AP1S3: variants seen among roughly 807,000 people sequenced by gnomAD.
The protein encoded by AP1S3 is adaptor related protein complex 1 subunit sigma 3, also known as AP-1 complex subunit sigma-3.
Under a neutral mutation model 20.9 loss-of-function variants are expected in AP1S3, and 10 were observed. The observed-to-expected ratio is 0.48, with a 90% CI of 0.29 to 0.81. AP1S3 has a LOEUF of 0.81. Ranked by LOEUF, AP1S3 falls within the 30% of genes least tolerant of loss-of-function variation. AP1S3 has a pLI of 0.08. For missense variants in AP1S3, 154 were observed against 183.8 expected (o/e 0.84, Z 0.94); for synonymous variants, 41 against 61.5 (o/e 0.67, Z 1.56).
In AP1S3 at chr2:223,756,492, A is replaced by G. The variant is rs998024593; in HGVS notation, c.*2223T>C. The G allele has an allele frequency of 4.0e-5, 39 of 973,850 alleles. No individual in the cohort carries two copies. Among genetic ancestry groups the G allele is most frequent in the Non-Finnish European group, 4.4e-5 (36 of 819,582 alleles). 60.3% of individuals were successfully genotyped at this position (973,850 alleles called of 1,614,324 possible). ...AAAGAAAGAAAGAAAGAAAAAAAGAAAGAAAAAATTCTAACACATTAAAAA... is the reference window on the plus strand; with the variant it reads ...AAAGAAAGAAAGAAAGAAAAAAAGAGAGAAAAAATTCTAACACATTAAAAA... On this transcript the variant is annotated 3_prime_UTR_variant, in exon 5 of 5. Coordinates refer to ENST00000396654, the MANE Select transcript of AP1S3 (RefSeq NM_001039569.2).
intron 1 of AP1S3, among the ~76,000 whole-genome samples, chr2:223,797,505 T>TA (rs1266933411): frequency 6.6e-6 from 1 of 152,166 alleles, no homozygotes; most frequent in Non-Finnish European, 1.5e-5. Context: ...CTCACGCCTG[T>TA]AATCCCAGCA....
At chr2:223,763,687 T>G (rs989175612) in intron 4 of AP1S3, among the ~76,000 whole-genome samples, 2 of 152,194 alleles carry the variant, frequency 1.3e-5, no homozygotes, top group African/African-American at 4.8e-5. Context: ...TGGTAATGAA[T>G]GCATTGGCCT....
chr2:223,765,097 G>A (rs913478435), intron 4 of AP1S3, 116 bp downstream of exon 4: 9 of 1,410,916 alleles, frequency 6.4e-6, no homozygotes, highest in South Asian at 1.5e-5. Context: ...AAATAGTTTA[G>A]AAACTGTACC....
At chr2:223,805,839 ATAAT>A (rs1691566743) in intron 1 of AP1S3, among the ~76,000 whole-genome samples, 1 of 152,176 alleles carries the variant, frequency 6.6e-6, no homozygotes, top group South Asian at 2.1e-4. Flanking sequence ...ACTTTTACAA[ATAAT>A]TATTATTCTG....
At chr2:223,806,896 G>GT (rs889545976) in intron 1 of AP1S3, among the ~76,000 whole-genome samples, 13 of 151,622 alleles carry the variant, frequency 8.6e-5, no homozygotes, top group East Asian at 1.9e-4. Flanking sequence ...CTACATTTCT[G>GT]TTTTTTTTCT....
chr2:223,808,512 T>C (rs1171477567), intron 1 of AP1S3, among the ~76,000 whole-genome samples: 1 of 152,208 alleles, frequency 6.6e-6, no homozygotes, highest in African/African-American at 2.4e-5. Context: ...TGTTAGAAAG[T>C]TGCAGAATGT....
intron 1 of AP1S3, among the ~76,000 whole-genome samples, chr2:223,811,686 A>C (rs1187227182): frequency 6.6e-6 from 1 of 152,172 alleles, no homozygotes; most frequent in Non-Finnish European, 1.5e-5. Flanking sequence ...TGCTGGGGGC[A>C]TTCTGATTCA....
intron 1 of AP1S3, among the ~76,000 whole-genome samples, chr2:223,806,277 A>ATTTTTTTT (rs144953846): frequency 4.5e-5 from 5 of 111,046 alleles, no homozygotes; most frequent in Admixed American, 1.1e-4. Flanking sequence ...AAACAAAGGA[A>ATTTTTTTT]TTTTTTTTTT....
intron 1 of AP1S3, among the ~76,000 whole-genome samples, chr2:223,812,132 T>C (rs2106119240): frequency 6.6e-6 from 1 of 152,352 alleles, no homozygotes; most frequent in East Asian, 1.9e-4. Context: ...AAGCCAAATA[T>C]TATAGAATAA....
intron 1 of AP1S3, among the ~76,000 whole-genome samples, chr2:223,803,699 G>A (rs1241259353): frequency 1.3e-5 from 2 of 152,078 alleles, no homozygotes; most frequent in African/African-American, 4.8e-5. Context: ...CTAACACCAT[G>A]AAACCCAGTC....
intron 4 of AP1S3, 58 bp downstream of exon 4, chr2:223,765,155 A>G (rs773434086): frequency 6.4e-7 from 1 of 1,563,926 alleles, no homozygotes; most frequent in South Asian, 1.2e-5. Flanking sequence ...TATAATTATT[A>G]ACACCATCAT....
intron 3 of AP1S3, among the ~76,000 whole-genome samples, chr2:223,771,493 T>C (rs7590659): frequency 0.26 from 39,774 of 152,108 alleles, 8,401 homozygotes; most frequent in East Asian, 0.58. Context: ...TTAATAAACA[T>C]GAGCCTCTTT....
rs35909928 is a variant in AP1S3 at position 223,782,011 on chromosome 2, C to CTTT, written c.4-4145_4-4143dup. On this transcript the variant is annotated intron_variant, in intron 1 of 4. Coordinates refer to ENST00000396654, the MANE Select transcript of AP1S3 (RefSeq NM_001039569.2). ...ACTGATTTGGAGATAGGCTTTAAGT[C>CTTT]TTTTTTTTTTTTTTTTTTTAGACAG... 1.6e-4 allele frequency among the ~76,000 whole-genome samples: 20 copies of CTTT among 128,384 alleles called. 1 individual carries two copies. The highest frequency in any genetic ancestry group is 5.1e-4 in the African/African-American group (18 of 34,988). 84.2% of individuals were successfully genotyped at this position (128,384 alleles called of 152,430 possible). A position where few individuals can be genotyped will look rare whatever the true frequency, so the allele number is the denominator to read the frequency against.
In AP1S3 at chr2:223,756,859, G is replaced by A; in HGVS notation, c.*1856C>T. 2.0e-6 allele frequency: 2 copies of A among 985,306 alleles called. No homozygotes were observed. The highest frequency in any genetic ancestry group is 2.4e-6 in the Non-Finnish European group (2 of 829,920). The allele number at this position is 985,306 out of a possible 1,614,324, so 61.0% of individuals were successfully genotyped here. Reference sequence around the variant, plus strand: ...ATCCAACAGGAAACACACTCTTCTAGGAAATCACTGGAGGTCCCAAACCAC... The same window carrying A: ...ATCCAACAGGAAACACACTCTTCTAAGAAATCACTGGAGGTCCCAAACCAC... On this transcript the variant is annotated 3_prime_UTR_variant, in exon 5 of 5. Coordinates refer to ENST00000396654, the MANE Select transcript of AP1S3 (RefSeq NM_001039569.2).
In AP1S3 at chr2:223,771,977, C is replaced by T. The variant is rs527969335; in HGVS notation, c.291+3924G>A. Among the ~76,000 whole-genome samples, 18 of 152,228 alleles carry T rather than the reference C, an allele frequency of 1.2e-4. No individual in the cohort carries two copies. The South Asian group carries it at 1.5e-3, about 12-fold the overall frequency. ...CAAAAATTAGCCAGGCATGGTGGCA[C>T]ATGCCTGTAATCCCAGCTACTAGGG... On this transcript the variant is annotated intron_variant, in intron 3 of 4. Coordinates refer to ENST00000396654, the MANE Select transcript of AP1S3 (RefSeq NM_001039569.2).
Position 223,829,835 on chromosome 2 carries a change from T to A in AP1S3, c.3+7613A>T, listed in dbSNP as rs1387035454. 4.4e-5 allele frequency among the ~76,000 whole-genome samples: 6 copies of A among 135,416 alleles called. 1 individual carries two copies. Among genetic ancestry groups the A allele is most frequent in the African/African-American group, 1.8e-4 (6 of 34,128 alleles). 88.8% of individuals were successfully genotyped at this position (135,416 alleles called of 152,430 possible). A position where few individuals can be genotyped will look rare whatever the true frequency, so the allele number is the denominator to read the frequency against. ...CTGGGCAACAGAGTGAGACTCCATC[T>A]CAAAAAAAAACAAAAAAAAAACAAA... On this transcript the variant is annotated intron_variant, in intron 1 of 4. Transcript: ENST00000396654.
intron 1 of AP1S3, among the ~76,000 whole-genome samples, chr2:223,832,745 CCACCCTCACCCT>C (rs1227324125): frequency 6.6e-6 from 1 of 151,674 alleles, no homozygotes; most frequent in African/African-American, 2.4e-5. Flanking sequence ...TTCGGTTTTT[CCACCCTCACCCT>C]CAACAACTCC....
At position 223,758,555 on chromosome 2, in the gene AP1S3, A is replaced by G; in HGVS notation, c.*160T>C. The stretch of plus-strand genomic sequence containing the variant: ...TTAATAATACAGACACATAGTAATT[A>G]TAAATATGTTAAACAACTTTAACTT... On this transcript the variant is annotated 3_prime_UTR_variant, in exon 5 of 5. Transcript: ENST00000396654. 1.5e-6 allele frequency: 2 copies of G among 1,344,922 alleles called. No individual in the cohort carries two copies. The highest frequency in any genetic ancestry group is 1.9e-6 in the Non-Finnish European group (2 of 1,047,952). The allele number at this position is 1,344,922 out of a possible 1,614,324, so 83.3% of individuals were successfully genotyped here.
intron 1 of AP1S3, among the ~76,000 whole-genome samples, chr2:223,783,887 G>C (rs550767860): frequency 6.6e-6 from 1 of 152,156 alleles, no homozygotes; most frequent in Non-Finnish European, 1.5e-5. Flanking sequence ...ATGTTTAGGG[G>C]CTATTACCAC....
Sources: allele counts gnomAD v4.1 joint callset (sites outside exome capture counted in the v4.1 genomes callset), GRCh38; gene constraint gnomAD v4.1.1; transcripts MANE v1.5; gene names NCBI Gene and HGNC (gene_info 2026-07-23, HGNC 2026-07-21).